PIGK: variants seen among roughly 807,000 people sequenced by gnomAD.
PIGK encodes phosphatidylinositol glycan anchor biosynthesis class K.
A neutral mutation model predicts 50.6 loss-of-function variants in PIGK; 42 were observed. That is an observed-to-expected ratio of 0.83 (90% CI 0.65 to 1.07). The LOEUF (loss-of-function observed/expected upper bound fraction) is 1.07. Ranked by LOEUF, PIGK falls within the 50% of genes least tolerant of loss-of-function variation. The pLI, the probability that PIGK is intolerant of heterozygous loss-of-function variation, is 0.00. For missense variants in PIGK, 448 were observed against 488.7 expected, an observed-to-expected ratio of 0.92 and a Z score of 0.78; for synonymous variants, 151 against 156.0, an observed-to-expected ratio of 0.97 and a Z score of 0.24.
chr1:77,199,470 G>T (rs997344125), intron 3 of PIGK, among the ~76,000 whole-genome samples: 7 of 151,948 alleles, frequency 4.6e-5, no homozygotes, highest in Non-Finnish European at 7.4e-5. Flanking sequence ...AACTATGATT[G>T]TACATTGCAA....
At chr1:77,183,988 C>A (rs920110399) in intron 3 of PIGK, among the ~76,000 whole-genome samples, 1 of 152,134 alleles carries the variant, frequency 6.6e-6, no homozygotes, top group African/African-American at 2.4e-5. Context: ...CCTGTTATTG[C>A]TCTTCTCTGT....
At chr1:77,182,096 A>G (rs1309172641) in intron 3 of PIGK, among the ~76,000 whole-genome samples, 1 of 152,226 alleles carries the variant, frequency 6.6e-6, no homozygotes, top group East Asian at 1.9e-4. Flanking sequence ...TTACTGACAG[A>G]CTCATCAGTA....
At chr1:77,148,719 TG>T (rs1254995874) in intron 9 of PIGK, among the ~76,000 whole-genome samples, 10 of 143,060 alleles carry the variant, frequency 7.0e-5, no homozygotes, top group Admixed American at 1.4e-4. Context: ...TTTTGTTTTT[TG>T]GTTTTTTTTT....
At chr1:77,206,875 T>C (rs1053262506) in intron 2 of PIGK, 144 bp from the exon 3 acceptor site, 1 of 533,502 alleles carries the variant, frequency 1.9e-6, no homozygotes, top group Non-Finnish European at 3.3e-6. Flanking sequence ...CACAAAAAAT[T>C]GTCAGTAAAG....
intron 3 of PIGK, among the ~76,000 whole-genome samples, chr1:77,169,676 G>A (rs887431521): frequency 6.6e-5 from 10 of 151,972 alleles, no homozygotes; most frequent in East Asian, 3.9e-4. Context: ...AGAAATTGGC[G>A]CAATCTGGCA....
chr1:77,113,300 T>C (rs951290494), intron 10 of PIGK, among the ~76,000 whole-genome samples: 1 of 152,118 alleles, frequency 6.6e-6, no homozygotes, highest in Admixed American at 6.6e-5. Context: ...TACTACCAAG[T>C]ATCTTAATAT....
intron 9 of PIGK, among the ~76,000 whole-genome samples, chr1:77,140,470 T>C (rs1211624638): frequency 6.6e-6 from 1 of 152,126 alleles, no homozygotes; most frequent in Non-Finnish European, 1.5e-5. Flanking sequence ...GATACCCCTA[T>C]GCTTCCTGTA....
At chr1:77,195,215 G>A in intron 3 of PIGK, 1 of 1,207,538 alleles carries the variant, frequency 8.3e-7, no homozygotes, top group East Asian at 2.5e-5. Context: ...AAAGGTGCTG[G>A]ACTTTTCTTA....
intron 3 of PIGK, among the ~76,000 whole-genome samples, chr1:77,189,538 C>T (rs1198992838): frequency 6.6e-6 from 1 of 151,894 alleles, no homozygotes; most frequent in African/African-American, 2.4e-5. Context: ...CTGGCCTAGG[C>T]TCCCAGCTGA....
chr1:77,146,902 A>G, intron 9 of PIGK, among the ~76,000 whole-genome samples: 1 of 152,080 alleles, frequency 6.6e-6, no homozygotes, highest in East Asian at 1.9e-4. Context: ...CTGAAAGTTC[A>G]AGGGTACAGT....
intron 10 of PIGK, among the ~76,000 whole-genome samples, chr1:77,095,403 A>G (rs1653385607): frequency 6.6e-6 from 1 of 152,182 alleles, no homozygotes; most frequent in African/African-American, 2.4e-5. Context: ...CAGCTGAGTA[A>G]GGGACTTTAG....
intron 10 of PIGK, among the ~76,000 whole-genome samples, chr1:77,118,250 CTTTT>C (rs951935515): frequency 9.9e-5 from 15 of 151,908 alleles, no homozygotes; most frequent in African/African-American, 3.4e-4. Flanking sequence ...TTCTTTCTTT[CTTTT>C]TGAGACAGGA....
chr1:77,125,990 T>C (rs866749304), intron 9 of PIGK, among the ~76,000 whole-genome samples: 3 of 152,316 alleles, frequency 2.0e-5, no homozygotes, highest in Middle Eastern at 3.4e-3. Context: ...TTTTCATTTC[T>C]GAGATGATTT....
rs1656293985 is a variant in PIGK, at chr1:77,206,677, C to T, written c.202G>A (p.Val68Ile). Residue 68 changes from valine to isoleucine, a missense_variant, in exon 3 of 11, where the codon GTT becomes ATT. By Grantham distance (29) the Val-to-Ile change is conservative. Coordinates refer to ENST00000370812, the MANE Select transcript of PIGK (RefSeq NM_005482.3). Reference sequence around the variant, plus strand: ...CCTAGCCTCTTGACACTTCTATAAACAGAAAGGGTATTTGCAACATGTCGA... The same window carrying T: ...CCTAGCCTCTTGACACTTCTATAAATAGAAAGGGTATTTGCAACATGTCGA... ...NYRHVANTLS[V>I]YRSVKRLGIP... The T allele has an allele frequency of 1.9e-6, 3 of 1,611,828 alleles. No homozygotes were observed. Among genetic ancestry groups the T allele is most frequent in the African/African-American group, 2.7e-5 (2 of 74,976 alleles).
chr1:77,162,194 C>T (rs1268097947), intron 6 of PIGK, among the ~76,000 whole-genome samples: 2 of 152,104 alleles, frequency 1.3e-5, no homozygotes, highest in African/African-American at 4.8e-5. Flanking sequence ...GCTGGAGATG[C>T]AATAGTCCCT....
intron 9 of PIGK, among the ~76,000 whole-genome samples, chr1:77,127,220 T>C (rs1427906404): frequency 6.6e-6 from 1 of 152,216 alleles, no homozygotes; most frequent in Non-Finnish European, 1.5e-5. Flanking sequence ...CTGTGCTTTC[T>C]GTATCCTTTT....
chr1:77,201,693 G>A (rs921515764), intron 3 of PIGK, among the ~76,000 whole-genome samples: 7 of 151,790 alleles, frequency 4.6e-5, no homozygotes, highest in African/African-American at 1.7e-4. Context: ...GTGAGCCAAG[G>A]TTGCTCCACT....
At position 77,089,477 on chromosome 1, in the gene PIGK, T is replaced by C. The variant is rs1229615940; in HGVS notation, c.*2897A>G. On this transcript the variant is annotated 3_prime_UTR_variant, in exon 11 of 11. Coordinates refer to ENST00000370812, the MANE Select transcript of PIGK (RefSeq NM_005482.3). ...AAGTTATATGTTAATGCAACATTTG[T>C]TGTAAAGATTCCAGAAACACAGGAG... is the stretch of plus-strand genomic sequence containing the variant. The C allele has an allele frequency of 6.6e-6, 1 of 152,580 alleles. No homozygotes were observed. Among genetic ancestry groups the C allele is most frequent in the Non-Finnish European group, 1.5e-5 (1 of 68,046 alleles). The allele number at this position is 152,580 out of a possible 1,614,324, so 9.5% of individuals were successfully genotyped here.
At chr1:77,157,349 G>A (rs892537103) in intron 8 of PIGK, among the ~76,000 whole-genome samples, 1 of 152,026 alleles carries the variant, frequency 6.6e-6, no homozygotes, top group Admixed American at 6.5e-5. Context: ...GGTAAGATGA[G>A]GTATTAGTGA....
Sources: allele counts gnomAD v4.1 joint callset (sites outside exome capture counted in the v4.1 genomes callset), GRCh38; gene constraint gnomAD v4.1.1; transcripts MANE v1.5; gene names NCBI Gene and HGNC (gene_info 2026-07-23, HGNC 2026-07-21).